SCAF8: variants seen among roughly 807,000 people sequenced by gnomAD.
SCAF8 encodes SR-related and CTD-associated factor 8.
SCAF8 carries 23 observed loss-of-function variants against 140.5 expected under a neutral mutation model. That is an observed-to-expected ratio of 0.16 (90% confidence interval 0.12 to 0.23). SCAF8 has a LOEUF of 0.23. Among genes scored for constraint, SCAF8 ranks in the 10% least tolerant of loss-of-function variants. The pLI is 1.00. For synonymous variants in SCAF8, 575 were observed against 528.9 expected, an observed-to-expected ratio of 1.09 and a Z score of -1.20; for missense variants, 1,397 against 1,555.7, an observed-to-expected ratio of 0.90 and a Z score of 1.72.
At chr6:154,790,623 G>C (rs1777391370) in intron 4 of SCAF8, among the ~76,000 whole-genome samples, 1 of 143,748 alleles carries the variant, frequency 7.0e-6, no homozygotes. Context: ...CCATTCTCTT[G>C]CCTCAGCCTC....
chr6:154,820,438 C>T (rs986440936), intron 15 of SCAF8, 105 bp downstream of exon 15: 3 of 908,168 alleles, frequency 3.3e-6, no homozygotes, highest in South Asian at 1.7e-5. Flanking sequence ...CTGGATTCAT[C>T]TCCCAAAAAA....
chr6:154,792,211 C>A (rs1190033311), intron 4 of SCAF8, among the ~76,000 whole-genome samples: 2 of 152,066 alleles, frequency 1.3e-5, no homozygotes, highest in Non-Finnish European at 2.9e-5. Flanking sequence ...GGTTACGCTT[C>A]AGATTCTGTC....
intron 13 of SCAF8, 74 bp downstream of exon 13, chr6:154,815,890 C>T (rs1180712666): frequency 1.3e-6 from 1 of 778,902 alleles, no homozygotes; most frequent in African/African-American, 1.7e-5. Flanking sequence ...CACTTCTGTT[C>T]CTAATTAGCC....
intron 1 of SCAF8, among the ~76,000 whole-genome samples, chr6:154,738,113 A>C (rs1321967684): frequency 6.6e-6 from 1 of 151,646 alleles, no homozygotes; most frequent in Non-Finnish European, 1.5e-5. Context: ...TGAGCCCAGG[A>C]GTTCGAGGCT....
intron 13 of SCAF8, among the ~76,000 whole-genome samples, chr6:154,817,819 A>G (rs1373657679): frequency 6.6e-6 from 1 of 152,186 alleles, no homozygotes; most frequent in Non-Finnish European, 1.5e-5. Flanking sequence ...CTGAGTTAAT[A>G]TATTAAGGAT....
At chr6:154,820,588 T>G (rs1185218813) in intron 15 of SCAF8, among the ~76,000 whole-genome samples, 3 of 152,202 alleles carry the variant, frequency 2.0e-5, no homozygotes, top group Non-Finnish European at 4.4e-5. Context: ...TTCAATTTGA[T>G]ACTTGAGAGT....
At chr6:154,798,410 A>G (rs1349532022) in intron 6 of SCAF8, among the ~76,000 whole-genome samples, 1 of 151,436 alleles carries the variant, frequency 6.6e-6, no homozygotes, top group African/African-American at 2.4e-5. Flanking sequence ...GAGTCTTTCA[A>G]ACAAAACCTG....
chr6:154,795,030 C>A lies in SCAF8; in HGVS notation c.497C>A (p.Thr166Asn). The A allele has an allele frequency of 6.2e-7, 1 of 1,607,360 alleles. No individual in the cohort carries two copies. The highest frequency in any genetic ancestry group is 8.5e-7 in the Non-Finnish European group (1 of 1,177,950). Residue 166 changes from threonine (T) to asparagine (N), a missense_variant, in exon 6 of 20, where the codon ACT becomes AAT. Physicochemically the swap from Thr to Asn is moderately conservative, Grantham distance 65. Transcript: ENST00000367178. The part of the protein sequence containing the change: ...NTPGTPVTPV[T>N]PANVVQGLPD... The stretch of plus-strand genomic sequence containing the variant: ...AAAGGAACTCCTGTGACACCTGTTA[C>A]TCCGGCCAATGTGGTCCAAGGCTTA...
chr6:154,807,221 G>C (rs1481706452), intron 9 of SCAF8, among the ~76,000 whole-genome samples: 1 of 152,122 alleles, frequency 6.6e-6, no homozygotes, highest in Non-Finnish European at 1.5e-5. Context: ...TCTGTTGTAA[G>C]AATCTCACCT....
In SCAF8 at chr6:154,820,328, A is replaced by C; in HGVS notation, c.1787A>C (p.Asn596Thr). The change falls in exon 15 of 20, where the codon AAT becomes ACT. Residue 596 changes from asparagine to threonine, a missense_variant. By Grantham distance (65) the Asn-to-Thr change is moderately conservative. Transcript: ENST00000367178. Reference protein sequence around the residue: ...EGGMIDQETVNTEWETVKSSE... With the variant: ...EGGMIDQETVTTEWETVKSSE... ...GGCATGATTGATCAGGAGACTGTAA[A>C]TACTGGTAAGAATTCTAAGGTCTTT... The C allele has an allele frequency of 6.2e-7, 1 of 1,603,878 alleles. No homozygotes were observed. The highest frequency in any genetic ancestry group is 8.5e-7 in the Non-Finnish European group (1 of 1,177,158).
In SCAF8 at chr6:154,755,293, G is replaced by A. The variant is rs541265480; in HGVS notation, c.31-18696G>A. ...TTTTTAGACAGAGTCTTGCTCTGTC[G>A]CCCACACTGGCATGCAGTGGTGTAA... On this transcript the variant is annotated intron_variant, in intron 1 of 19. Coordinates refer to ENST00000367178, the MANE Select transcript of SCAF8 (RefSeq NM_014892.5). Among the ~76,000 whole-genome samples the A allele has an allele frequency of 1.2e-4, 19 of 152,020 alleles. No individual in the cohort carries two copies. The South Asian group carries it at 3.5e-3, about 28-fold the overall frequency.
intron 1 of SCAF8, among the ~76,000 whole-genome samples, chr6:154,749,109 AT>A (rs1241875805): frequency 1.3e-5 from 2 of 151,956 alleles, no homozygotes; most frequent in Non-Finnish European, 2.9e-5. Flanking sequence ...TCCTTGGCTA[AT>A]TTTGTATTTT....
chr6:154,797,734 A>G (rs976506594), intron 6 of SCAF8, among the ~76,000 whole-genome samples: 2 of 151,588 alleles, frequency 1.3e-5, no homozygotes, highest in Non-Finnish European at 3.0e-5. Context: ...GCTCAGGAAC[A>G]TGCAATAATT....
intron 13 of SCAF8, among the ~76,000 whole-genome samples, chr6:154,817,848 A>G (rs1461634841): frequency 6.6e-6 from 1 of 152,216 alleles, no homozygotes; most frequent in Non-Finnish European, 1.5e-5. Context: ...GGTCTGGTGT[A>G]GAATAGTTAA....
intron 3 of SCAF8, among the ~76,000 whole-genome samples, chr6:154,778,343 G>C (rs1273690062): frequency 6.6e-6 from 1 of 152,230 alleles, no homozygotes; most frequent in Non-Finnish European, 1.5e-5. Context: ...CTTGGGAGAA[G>C]GGTGCGGGAT....
rs1426798706 is a variant in SCAF8 at position 154,802,086 on chromosome 6, C to T, written c.722C>T (p.Thr241Ile). The T allele has an allele frequency of 6.2e-7, 1 of 1,612,308 alleles. No individual in the cohort carries two copies. The highest frequency in any genetic ancestry group is 8.5e-7 in the Non-Finnish European group (1 of 1,179,060). ...TTGCAAGCTCTTACGGCACAACTTA[C>T]AGCTGCAGCTGCAGCTGCCAACACT... ...VQLQALTAQL[T>I]AAAAAANTLT... The change falls in exon 7 of 20, where the codon ACA becomes ATA. Residue 241 changes from threonine to isoleucine, a missense_variant. Around this residue, in one of 5 missense-constraint regions of SCAF8, gnomAD observed 339 missense variants for 407.5 expected, o/e 0.83. Transcript: ENST00000367178.
intron 1 of SCAF8, among the ~76,000 whole-genome samples, chr6:154,766,659 A>ACCC (rs1165228098): frequency 4.2e-5 from 3 of 70,716 alleles, no homozygotes; most frequent in Admixed American, 1.6e-4. Flanking sequence ...CTCCAGCAGC[A>ACCC]CCCCCCCCCC....
chr6:154,818,922 TG>T (rs1778332870), intron 14 of SCAF8, among the ~76,000 whole-genome samples: 1 of 152,178 alleles, frequency 6.6e-6, no homozygotes, highest in African/African-American at 2.4e-5. Context: ...TTTATAGTAT[TG>T]TCTTTCATTC....
rs1335409012 is a variant in SCAF8, at chr6:154,833,279, C to A, written c.3700C>A (p.Pro1234Thr). The change falls in exon 20 of 20, where the codon CCT (proline) becomes ACT (threonine). Residue 1234 changes from proline (P) to threonine (T), a missense_variant. Around this residue, in one of 5 missense-constraint regions of SCAF8, gnomAD observed 930 missense variants for 874.6 expected, o/e 1.06. Coordinates refer to ENST00000367178, the MANE Select transcript of SCAF8 (RefSeq NM_014892.5). ...ACCACCTATACCAGTACAGAATGAT[C>A]CTGAACTTTATGAAAAACTGACATC... Reference protein sequence around the residue: ...QPPPIPVQNDPELYEKLTSSN... With the variant: ...QPPPIPVQNDTELYEKLTSSN... The A allele has an allele frequency of 1.2e-6, 2 of 1,613,772 alleles. No individual in the cohort carries two copies. Among genetic ancestry groups the A allele is most frequent in the Admixed American group, 1.7e-5 (1 of 59,978 alleles).
Sources: allele counts gnomAD v4.1 joint callset (sites outside exome capture counted in the v4.1 genomes callset), GRCh38; gene constraint gnomAD v4.1.1; regional missense constraint gnomAD v4.1.1; transcripts MANE v1.5; gene names NCBI Gene and HGNC (gene_info 2026-07-23, HGNC 2026-07-21).